COL5A3: variants seen among roughly 807,000 people sequenced by gnomAD.
The protein encoded by COL5A3 is collagen alpha-3(V) chain.
A neutral mutation model predicts 250.0 loss-of-function variants in COL5A3; 172 were observed. The ratio of observed to expected loss-of-function variants is 0.69; its 90% CI spans 0.61 to 0.78. The LOEUF (loss-of-function observed/expected upper bound fraction) is 0.78, where lower values mean the gene tolerates loss of function less well. Among genes scored for constraint, COL5A3 ranks in the 30% least tolerant of loss-of-function variants. The probability of loss-of-function intolerance (pLI) is 0.00; values close to 1 mark genes in which losing one functional copy is unlikely to be tolerated. For missense variants in COL5A3, 2,340 were observed against 2,334.4 expected (o/e 1.00, Z -0.05); for synonymous variants, 937 against 900.4 (o/e 1.04, Z -0.73).
chr19:9,969,854 G>T lies in COL5A3; in HGVS notation c.3990+15C>A, dbSNP rs2086803543. 1 of 1,613,632 alleles carries T rather than the reference G, an allele frequency of 6.2e-7. No individual in the cohort carries two copies. The highest frequency in any genetic ancestry group is 8.5e-7 in the Non-Finnish European group (1 of 1,179,846). On this transcript the variant is annotated intron_variant, in intron 55 of 66. Coordinates refer to ENST00000264828, the MANE Select transcript of COL5A3 (RefSeq NM_015719.4). ...GAGTAGTGCAGGGACCCTTCCCCTTGCCAGGGGGACTCACCTTGGCACCTT... is the reference window on the plus strand; with the variant it reads ...GAGTAGTGCAGGGACCCTTCCCCTTTCCAGGGGGACTCACCTTGGCACCTT...
Position 9,960,561 on chromosome 19 carries a change from TCC to T in COL5A3, c.5092-6_5092-5del. The T allele has an allele frequency of 6.2e-7, 1 of 1,614,060 alleles. No individual in the cohort carries two copies. Among genetic ancestry groups the T allele is most frequent in the Non-Finnish European group, 8.5e-7 (1 of 1,180,016 alleles). ...TCTTCGTCTGTCCTTTCCGGAGCTG[TCC>T]CCAGAGAAGACAGAGACGGTGAGTT... On this transcript the variant is annotated splice_polypyrimidine_tract_variant and splice_region_variant and intron_variant, in intron 66 of 66. Transcript: ENST00000264828.
chr19:9,995,699 A>G, intron 15 of COL5A3, 82 bp from the exon 16 acceptor site: 9 of 1,096,270 alleles, frequency 8.2e-6, no homozygotes, highest in Non-Finnish European at 1.2e-5. Context: ...AAAATTAGAG[A>G]TGGGGTCTTG....
Position 9,993,022 on chromosome 19 carries a change from C to A in COL5A3, c.1794+1G>T. The A allele has an allele frequency of 6.2e-7, 1 of 1,613,642 alleles. No homozygotes were observed. The highest frequency in any genetic ancestry group is 8.5e-7 in the Non-Finnish European group (1 of 1,179,788). On this transcript the variant is annotated splice_donor_variant, in intron 20 of 66. Transcript: ENST00000264828. LOFTEE classifies it high-confidence loss of function. ...GGGGCCCAGGGATCCCTGATACTCA[C>A]CGGCTCCCCAGCCTGGCCAGTGGGC...
chr19:9,991,759 G>T, intron 23 of COL5A3, 29 bp downstream of exon 23: 1 of 1,597,964 alleles, frequency 6.3e-7, no homozygotes, highest in South Asian at 1.1e-5. Flanking sequence ...CCACTCCCAT[G>T]CCCCATTATT....
At chr19:9,970,335 T>TG (rs1461552500) in intron 54 of COL5A3, among the ~76,000 whole-genome samples, 80 of 64,588 alleles carry the variant, frequency 1.2e-3, no homozygotes, top group Non-Finnish European at 1.6e-3. Context: ...GTGGGGTCTG[T>TG]GGGTGAGTGT....
At position 9,995,892 on chromosome 19, in the gene COL5A3, C is replaced by A. The variant is rs1463201856; in HGVS notation, c.1533+174G>T. The A allele has an allele frequency of 4.3e-6, 3 of 700,870 alleles. No individual in the cohort carries two copies. In the Admixed American group the frequency reaches 8.1e-5, roughly 19 times the overall value. The allele number at this position is 700,870 out of a possible 1,614,324, so 43.4% of individuals were successfully genotyped here. A position where few individuals can be genotyped will look rare whatever the true frequency, so the allele number is the denominator to read the frequency against. ...CTCCTGGCCTCAAGCAATCCTCCCACCTCGGCCTCCCAAAGTTCTGGGATT... is the reference window on the plus strand; with the variant it reads ...CTCCTGGCCTCAAGCAATCCTCCCAACTCGGCCTCCCAAAGTTCTGGGATT... On this transcript the variant is annotated intron_variant, in intron 15 of 66. Transcript: ENST00000264828.
In COL5A3 at chr19:10,006,110, G is replaced by C; in HGVS notation, c.210C>G (p.Ala70=). 1 of 1,614,062 alleles carries C rather than the reference G, an allele frequency of 6.2e-7. No homozygotes were observed. Among genetic ancestry groups the C allele is most frequent in the Non-Finnish European group, 8.5e-7 (1 of 1,179,970 alleles). The change falls in exon 2 of 67, where the codon GCC becomes GCG. Residue 70 remains alanine (A), a synonymous_variant. Transcript: ENST00000264828. ...CCCACGTGGGGATGCCGAGCGTGCT[G>C]GCCTGGCCAATTCTGAATGCCCGGT... ...EGDRAFRIGQ[A]STLGIPTWEL... is the part of the protein sequence containing the mutation.
At chr19:9,984,819 C>A (rs569756683) in intron 31 of COL5A3, among the ~76,000 whole-genome samples, 97 of 152,062 alleles carry the variant, frequency 6.4e-4, no homozygotes, top group South Asian at 4.4e-3. Context: ...GAGACAGAGT[C>A]CCCCTCTGTC....
intron 41 of COL5A3, 117 bp from the exon 42 acceptor site, chr19:9,977,818 C>T: frequency 1.3e-6 from 1 of 768,820 alleles, no homozygotes; most frequent in Non-Finnish European, 1.9e-6. Flanking sequence ...TAACCTGTTC[C>T]CCTCCTGCAG....
chr19:9,989,113 G>C lies in COL5A3; in HGVS notation c.2145+11C>G. 6.2e-7 allele frequency: 1 copy of C among 1,613,788 alleles called. No homozygotes were observed. Among genetic ancestry groups the C allele is most frequent in the Non-Finnish European group, 8.5e-7 (1 of 1,179,726 alleles). On this transcript the variant is annotated intron_variant, in intron 27 of 66. Coordinates refer to ENST00000264828, the MANE Select transcript of COL5A3 (RefSeq NM_015719.4). ...TGGTAAATCACTCATACCTGCAAGC[G>C]TATCACCTACCTTCACTCCCCGAGG...
intron 54 of COL5A3, among the ~76,000 whole-genome samples, chr19:9,970,421 T>TGTGGGTGTGTGGGGTCTGTGGG (rs1401666979): frequency 7.3e-4 from 52 of 70,864 alleles, no homozygotes; most frequent in Admixed American, 1.1e-3. Context: ...GAGTGGGGGC[T>TGTGGGTGTGTGGGGTCTGTGGG]GTAAGGTGAG....
At position 9,970,621 on chromosome 19, in the gene COL5A3, C is replaced by T; in HGVS notation, c.3936+1G>A. The T allele has an allele frequency of 2.1e-6, 3 of 1,446,734 alleles. No homozygotes were observed. Among genetic ancestry groups the T allele is most frequent in the Non-Finnish European group, 2.7e-6 (3 of 1,101,030 alleles). The allele number at this position is 1,446,734 out of a possible 1,614,324, so 89.6% of individuals were successfully genotyped here. A position where few individuals can be genotyped will look rare whatever the true frequency, so the allele number is the denominator to read the frequency against. ...GACCCAGGAGGTGGCTTATCACTTA[C>T]CCTCTTGCCGGGGGGCCCGGGGGCG... On this transcript the variant is annotated splice_donor_variant, in intron 54 of 66. Coordinates refer to ENST00000264828, the MANE Select transcript of COL5A3 (RefSeq NM_015719.4). LOFTEE classifies it high-confidence loss of function.
intron 31 of COL5A3, among the ~76,000 whole-genome samples, chr19:9,984,323 C>T (rs1398651464): frequency 2.0e-5 from 3 of 151,996 alleles, no homozygotes; most frequent in African/African-American, 7.3e-5. Flanking sequence ...GCGCCCAGCC[C>T]CAAATGTCTT....
At chr19:9,970,720 T>C in intron 53 of COL5A3, 45 bp from the exon 54 acceptor site, 1 of 1,376,686 alleles carries the variant, frequency 7.3e-7, no homozygotes, top group Non-Finnish European at 9.5e-7. Context: ...CTAACATTGT[T>C]TGAGCCTGAC....
Position 9,989,519 on chromosome 19 carries a change from G to C in COL5A3, c.1996C>G (p.Pro666Ala). Residue 666 changes from proline (P) to alanine (A), a missense_variant, in exon 25 of 67, where the codon CCC (proline) becomes GCC (alanine). By Grantham distance (27) the Pro-to-Ala change is conservative. Transcript: ENST00000264828. ...GLIGTPGEKG[P>A]PGNPGIPGLP... ...CCTGGAATTCCTGGGTTTCCAGGGGGACCCTGAAAGAAGATGAACAGCAGG... is the reference window on the plus strand; with the variant it reads ...CCTGGAATTCCTGGGTTTCCAGGGGCACCCTGAAAGAAGATGAACAGCAGG... 6.2e-7 allele frequency: 1 copy of C among 1,611,498 alleles called. No individual in the cohort carries two copies. Among genetic ancestry groups the C allele is most frequent in the South Asian group, 1.1e-5 (1 of 90,668 alleles).
intron 49 of COL5A3, 40 bp from the exon 50 acceptor site, chr19:9,973,663 T>C (rs2086882923): frequency 6.2e-7 from 1 of 1,611,254 alleles, no homozygotes; most frequent in African/African-American, 1.3e-5. Context: ...GGTCCCATCC[T>C]AGCAGACAGG....
intron 8 of COL5A3, 140 bp from the exon 9 acceptor site, chr19:9,998,289 C>A: frequency 1.2e-6 from 1 of 851,898 alleles, no homozygotes; most frequent in East Asian, 2.6e-5. Context: ...TTCTCCTCTA[C>A]TGTAACCAAT....
At chr19:9,967,220 C>T in intron 62 of COL5A3, 127 bp downstream of exon 62, 1 of 658,908 alleles carries the variant, frequency 1.5e-6, no homozygotes, top group Non-Finnish European at 2.4e-6. Context: ...CACCTACATC[C>T]TCTGAACACC....
chr19:9,964,947 G>A (rs2086719894), intron 64 of COL5A3, among the ~76,000 whole-genome samples: 1 of 148,816 alleles, frequency 6.7e-6, no homozygotes, highest in African/African-American at 2.5e-5. Flanking sequence ...TCCTGGGGAG[G>A]CTGAGGCAGG....
Sources: gnomAD v4.1 joint callset for allele counts (sites outside exome capture counted in the v4.1 genomes callset) on GRCh38, gnomAD v4.1.1 for gene constraint, MANE v1.5 for transcripts, NCBI Gene and HGNC (gene_info 2026-07-23, HGNC 2026-07-21) for gene names.